The following GCSAML variants were observed in gnomAD, a reference collection of about 807,000 sequenced individuals.
GCSAML encodes germinal center associated signaling and motility like.
A neutral mutation model predicts 13.0 loss-of-function variants in GCSAML; 9 were observed. The ratio of observed to expected loss-of-function variants is 0.69; its 90% CI spans 0.42 to 1.21. The LOEUF is 1.21. Among genes scored for constraint, GCSAML ranks in the 50% most tolerant of loss-of-function variants. The pLI is 0.00. For missense variants in GCSAML, 143 were observed against 153.4 expected (o/e 0.93, Z 0.36); for synonymous variants, 37 against 52.9 (o/e 0.70, Z 1.31).
intron 4 of GCSAML, among the ~76,000 whole-genome samples, chr1:247,570,841 C>A (rs2103075512): frequency 6.6e-6 from 1 of 152,226 alleles, no homozygotes; most frequent in Non-Finnish European, 1.5e-5. Context: ...GTGTTGGAGT[C>A]TGAGTCTCTT....
rs149863070 is a variant in GCSAML, at chr1:247,531,564, C to T, written c.-148+4510C>T. On this transcript the variant is annotated intron_variant, in intron 2 of 5. Transcript: ENST00000366489. ...ACTGGAGTCTCTAAATTTGCGCCAG[C>T]TTGCCTGCAGAGCCACAGCAGTTCT... 1.4e-5 allele frequency: 23 copies of T among 1,613,438 alleles called. No homozygotes were observed. In the African/African-American group the frequency reaches 1.5e-4, roughly 10 times the overall value.
chr1:247,568,416 A>G (rs1668471474), intron 4 of GCSAML, among the ~76,000 whole-genome samples: 2 of 152,054 alleles, frequency 1.3e-5, no homozygotes, highest in African/African-American at 2.4e-5. Context: ...TCCTAACATC[A>G]TTTATTAAAT....
chr1:247,563,519 GCTTT>G (rs2103057395), intron 2 of GCSAML, 67 bp from the exon 3 acceptor site: 1 of 756,656 alleles, frequency 1.3e-6, no homozygotes, highest in Non-Finnish European at 2.2e-6. Context: ...GCAACCAAAT[GCTTT>G]TTTTGAAAGG....
chr1:247,565,175 C>A (rs1272402815), intron 3 of GCSAML, among the ~76,000 whole-genome samples: 2 of 151,982 alleles, frequency 1.3e-5, no homozygotes, highest in Non-Finnish European at 2.9e-5. Flanking sequence ...CTGGCTAACA[C>A]GGTGAAACCC....
At chr1:247,517,098 T>G (rs1375259946) in intron 1 of GCSAML, among the ~76,000 whole-genome samples, 1 of 152,208 alleles carries the variant, frequency 6.6e-6, no homozygotes, top group Non-Finnish European at 1.5e-5. Context: ...CTGCTCTTTG[T>G]GAGTGGACAT....
chr1:247,570,953 C>T (rs990503887), intron 4 of GCSAML, among the ~76,000 whole-genome samples: 6 of 152,108 alleles, frequency 3.9e-5, no homozygotes, highest in South Asian at 4.1e-4. Flanking sequence ...ATCCCTTTAC[C>T]GTTATGTAAT....
At position 247,543,033 on chromosome 1, in the gene GCSAML, G is replaced by T. The variant is rs139217771; in HGVS notation, c.-147-6012G>T. On this transcript the variant is annotated intron_variant, in intron 2 of 5. Coordinates refer to the GCSAML transcript ENST00000366489. The stretch of plus-strand genomic sequence containing the variant: ...ATATCTGTCCTTAGCTTCCCTAACT[G>T]CAGGATCTAATCAACAGCGGAGTCA... Among the ~76,000 whole-genome samples, 101 of 152,288 alleles carry T rather than the reference G, an allele frequency of 6.6e-4. No homozygotes were observed. The East Asian group carries it at 0.019, about 29-fold the overall frequency.
chr1:247,515,603 C>T (rs1022761455), intron 1 of GCSAML, among the ~76,000 whole-genome samples: 10 of 152,110 alleles, frequency 6.6e-5, no homozygotes, highest in Admixed American at 3.3e-4. Context: ...GCAGGCTGTA[C>T]GGGAATCATG....
chr1:247,559,248 C>T (rs1372914532), intron 2 of GCSAML, among the ~76,000 whole-genome samples: 1 of 152,118 alleles, frequency 6.6e-6, no homozygotes, highest in Non-Finnish European at 1.5e-5. Flanking sequence ...TTGTGTATTT[C>T]AGATATTCAC....
chr1:247,532,425 G>A (rs1667021497), intron 2 of GCSAML: 3 of 1,614,072 alleles, frequency 1.9e-6, no homozygotes, highest in African/African-American at 2.7e-5. Context: ...AGACAACTAT[G>A]AAGAGGACAG....
chr1:247,525,050 T>C lies in GCSAML; in HGVS notation c.-262-1890T>C, dbSNP rs527682654. On this transcript the variant is annotated intron_variant, in intron 1 of 5. Coordinates refer to the GCSAML transcript ENST00000366489. The stretch of plus-strand genomic sequence containing the variant: ...ATGTTAGTGAAACTGTGAGAATATA[T>C]GCCTTTGTACACATTATTGGCAAAA... The C allele has an allele frequency of 2.0e-5, 3 of 152,240 alleles. No individual in the cohort carries two copies. In the South Asian group the frequency reaches 6.2e-4, roughly 31 times the overall value. The allele number at this position is 152,240 out of a possible 1,614,324, so 9.4% of individuals were successfully genotyped here.
chr1:247,516,795 T>C (rs890966989), intron 1 of GCSAML, among the ~76,000 whole-genome samples: 5 of 152,326 alleles, frequency 3.3e-5, no homozygotes, highest in African/African-American at 1.2e-4. Context: ...AAAGGAGTGA[T>C]AGTAGAAAAT....
intron 1 of GCSAML, among the ~76,000 whole-genome samples, chr1:247,509,199 T>C (rs1665927621): frequency 6.6e-6 from 1 of 152,210 alleles, no homozygotes; most frequent in South Asian, 2.1e-4. Context: ...TGGTTTGTAG[T>C]TCTCCTTGAA....
intron 1 of GCSAML, among the ~76,000 whole-genome samples, chr1:247,509,183 G>A (rs974163845): frequency 6.6e-6 from 1 of 152,120 alleles, no homozygotes; most frequent in African/African-American, 2.4e-5. Context: ...TGATTTCTCT[G>A]AGCAGTGGTT....
At chr1:247,532,491 C>T (rs1323577332) in intron 2 of GCSAML, 2 of 1,613,824 alleles carry the variant, frequency 1.2e-6, no homozygotes, top group South Asian at 1.1e-5. Context: ...CTGGAGAACT[C>T]ACATTGGCTA....
intron 2 of GCSAML, among the ~76,000 whole-genome samples, chr1:247,541,475 A>G (rs377697166): frequency 2.0e-5 from 3 of 152,106 alleles, no homozygotes; most frequent in Non-Finnish European, 2.9e-5. Flanking sequence ...CTCATCCCCA[A>G]ATGGCTGAAA....
At chr1:247,565,761 A>G in intron 3 of GCSAML, 170 bp from the exon 4 acceptor site, 1 of 590,330 alleles carries the variant, frequency 1.7e-6, no homozygotes, top group Non-Finnish European at 3.0e-6. Flanking sequence ...AGTCTTGAGA[A>G]CTTCAGTTAT....
intron 2 of GCSAML, chr1:247,530,221 G>T (rs1406646295): frequency 6.6e-6 from 1 of 152,014 alleles, no homozygotes; most frequent in Non-Finnish European, 1.5e-5. Flanking sequence ...CATGGTTTTG[G>T]TCTTCCCATG....
intron 1 of GCSAML, among the ~76,000 whole-genome samples, chr1:247,551,023 G>T (rs1183852790): frequency 6.6e-6 from 1 of 152,142 alleles, no homozygotes; most frequent in Non-Finnish European, 1.5e-5. Flanking sequence ...ACTTGTCAAG[G>T]TTGCCTTTGC....
Sources: gnomAD v4.1 joint callset for allele counts (sites outside exome capture counted in the v4.1 genomes callset) on GRCh38, gnomAD v4.1.1 for gene constraint, MANE v1.5 for transcripts, NCBI Gene and HGNC (gene_info 2026-07-23, HGNC 2026-07-21) for gene names.